CFAP299: variants seen among roughly 807,000 people sequenced by gnomAD.
The protein encoded by CFAP299 is cilia- and flagella-associated protein 299.
A neutral mutation model predicts 27.0 loss-of-function variants in CFAP299; 21 were observed. The ratio of observed to expected loss-of-function variants is 0.78; its 90% confidence interval spans 0.55 to 1.12. The LOEUF is 1.12. Among genes scored for constraint, CFAP299 ranks in the 50% most tolerant of loss-of-function variants. The pLI is 0.00. For synonymous variants in CFAP299, 104 were observed against 98.1 expected (o/e 1.06, Z -0.36); for missense variants, 310 against 276.6 (o/e 1.12, Z -0.86).
chr4:80,707,028 T>G (rs1721861148), intron 3 of CFAP299, among the ~76,000 whole-genome samples: 1 of 152,020 alleles, frequency 6.6e-6, no homozygotes, highest in Admixed American at 6.6e-5. Context: ...TGTTGGATTC[T>G]TGTATCCTCT....
intron 2 of CFAP299, among the ~76,000 whole-genome samples, chr4:80,484,693 A>G (rs1464006643): frequency 6.6e-6 from 1 of 152,222 alleles, no homozygotes; most frequent in Non-Finnish European, 1.5e-5. Context: ...AGACTAGTAC[A>G]TTTATTAGGC....
At chr4:80,679,315 G>A (rs1462743551) in intron 3 of CFAP299, among the ~76,000 whole-genome samples, 2 of 151,974 alleles carry the variant, frequency 1.3e-5, no homozygotes, top group Non-Finnish European at 2.9e-5. Context: ...TTCAGTCAAT[G>A]AAGGACATTT....
chr4:80,928,346 A>G (rs1230548431), intron 4 of CFAP299, among the ~76,000 whole-genome samples: 4 of 152,110 alleles, frequency 2.6e-5, no homozygotes, highest in Non-Finnish European at 4.4e-5. Context: ...CCCAAGCCCA[A>G]CTATGGTTTT....
chr4:80,675,294 T>A (rs1196996874), intron 3 of CFAP299, among the ~76,000 whole-genome samples: 6 of 152,212 alleles, frequency 3.9e-5, no homozygotes, highest in African/African-American at 1.4e-4. Context: ...CAGCTGCAGG[T>A]CTGTTGGAGT....
intron 2 of CFAP299, among the ~76,000 whole-genome samples, chr4:80,529,481 C>A (rs936639027): frequency 6.6e-6 from 1 of 152,120 alleles, no homozygotes; most frequent in Non-Finnish European, 1.5e-5. Flanking sequence ...TATTTTCTCT[C>A]AATCTGTACT....
chr4:80,623,850 C>A (rs1738733771), intron 3 of CFAP299, among the ~76,000 whole-genome samples: 1 of 152,106 alleles, frequency 6.6e-6, no homozygotes, highest in African/African-American at 2.4e-5. Flanking sequence ...GACCACACAG[C>A]CCCACGTCTC....
At chr4:80,876,779 T>G (rs1212982468) in intron 4 of CFAP299, among the ~76,000 whole-genome samples, 1 of 152,130 alleles carries the variant, frequency 6.6e-6, no homozygotes. Flanking sequence ...ACTTTTGACC[T>G]CAAATCCATA....
the CFAP299 span, among the ~76,000 whole-genome samples, chr4:80,328,661 C>T: frequency 4.6e-5 from 7 of 152,192 alleles, no homozygotes; most frequent in East Asian, 3.9e-4. Flanking sequence ...TGTTGAGACT[C>T]GTGGTCATGA....
At chr4:80,344,289 A>C (rs1259691070) in intron 1 of CFAP299, among the ~76,000 whole-genome samples, 1 of 152,150 alleles carries the variant, frequency 6.6e-6, no homozygotes, top group Admixed American at 6.5e-5. Context: ...GAGAGAATCA[A>C]ATGGACACAA....
chr4:80,687,116 A>T (rs538465899), intron 3 of CFAP299, among the ~76,000 whole-genome samples: 2 of 152,132 alleles, frequency 1.3e-5, no homozygotes, highest in Admixed American at 1.3e-4. Flanking sequence ...TTTCTCTCCT[A>T]CTGATCTCCA....
intron 3 of CFAP299, among the ~76,000 whole-genome samples, chr4:80,753,499 G>A (rs1447856882): frequency 6.6e-6 from 1 of 152,058 alleles, no homozygotes; most frequent in Non-Finnish European, 1.5e-5. Context: ...CATGATTGGT[G>A]TGCTCTGAGT....
At chr4:80,662,494 G>T (rs1740904859) in intron 3 of CFAP299, among the ~76,000 whole-genome samples, 1 of 152,102 alleles carries the variant, frequency 6.6e-6, no homozygotes, top group Admixed American at 6.6e-5. Context: ...GGCATCTCAG[G>T]GGAGGTAAGT....
intron 3 of CFAP299, among the ~76,000 whole-genome samples, chr4:80,803,281 C>T (rs1186287498): frequency 6.6e-6 from 1 of 152,024 alleles, no homozygotes; most frequent in Non-Finnish European, 1.5e-5. Context: ...GATACAGAAA[C>T]ATCATCAACA....
intron 2 of CFAP299, among the ~76,000 whole-genome samples, chr4:80,488,565 C>A (rs1223027183): frequency 6.6e-6 from 1 of 151,626 alleles, no homozygotes; most frequent in African/African-American, 2.4e-5. Flanking sequence ...GTTTCTCCTC[C>A]CAGGTTCATG....
At chr4:80,359,033 G>A (rs1210029954) in intron 1 of CFAP299, among the ~76,000 whole-genome samples, 1 of 152,082 alleles carries the variant, frequency 6.6e-6, no homozygotes, top group Non-Finnish European at 1.5e-5. Flanking sequence ...AATTCCGTCA[G>A]CATCTGCTTG....
Position 80,758,102 on chromosome 4 carries a change from A to G in CFAP299, c.334-111891A>G, listed in dbSNP as rs190547183. Among the ~76,000 whole-genome samples the G allele has an allele frequency of 2.1e-3, 325 of 152,300 alleles. 1 individual carries two copies. The highest frequency in any genetic ancestry group is 4.0e-3 in the Non-Finnish European group (269 of 68,016). ...TGGATGGCTTAAGTGTTAACAGCTC[A>G]GTGGAGTGTCAGTGTGACAGCCTTT... On this transcript the variant is annotated intron_variant, in intron 3 of 5. Transcript: ENST00000358105.
chr4:80,908,001 T>G (rs1266139696), intron 4 of CFAP299, among the ~76,000 whole-genome samples: 1 of 152,204 alleles, frequency 6.6e-6, no homozygotes, highest in Non-Finnish European at 1.5e-5. Flanking sequence ...ATGCAGAGTT[T>G]CACTGTGGCG....
intron 3 of CFAP299, among the ~76,000 whole-genome samples, chr4:80,692,235 A>C (rs1720761229): frequency 6.6e-6 from 1 of 152,206 alleles, no homozygotes; most frequent in African/African-American, 2.4e-5. Context: ...CCGCATCACC[A>C]AGTCAATCCT....
At chr4:80,693,275 T>C (rs1296187761) in intron 3 of CFAP299, among the ~76,000 whole-genome samples, 6 of 151,910 alleles carry the variant, frequency 3.9e-5, no homozygotes, top group African/African-American at 7.3e-5. Flanking sequence ...TTATTCACAA[T>C]AGCAAAGACT....
Sources: gnomAD v4.1 joint callset for allele counts (sites outside exome capture counted in the v4.1 genomes callset) on GRCh38, gnomAD v4.1.1 for gene constraint, MANE v1.5 for transcripts, NCBI Gene and HGNC (gene_info 2026-07-23, HGNC 2026-07-21) for gene names.